Variants in ATG4C observed in about 807,000 individuals in gnomAD.
The protein encoded by ATG4C is autophagy related 4C cysteine peptidase.
Under a neutral mutation model 57.6 loss-of-function variants are expected in ATG4C, and 56 were observed. The ratio of observed to expected loss-of-function variants is 0.97; its 90% confidence interval spans 0.78 to 1.21. The LOEUF is 1.21. ATG4C is among the 50% of genes most tolerant of loss of function. The pLI is 0.00. For missense variants in ATG4C, 595 were observed against 529.8 expected (o/e 1.12, Z -1.21); for synonymous variants, 157 against 174.1 (o/e 0.90, Z 0.78).
intron 8 of ATG4C, 49 bp from the exon 9 acceptor site, chr1:62,834,727 A>G: frequency 6.9e-7 from 1 of 1,455,028 alleles, no homozygotes; most frequent in Non-Finnish European, 9.6e-7. Context: ...TAAGCAGTGT[A>G]ATAATAAGGT....
intron 3 of ATG4C, among the ~76,000 whole-genome samples, chr1:62,812,204 T>C (rs1374847732): frequency 6.6e-6 from 1 of 152,180 alleles, no homozygotes. Context: ...CTGATCAACA[T>C]TGATGCGAAA....
intron 6 of ATG4C, among the ~76,000 whole-genome samples, chr1:62,828,424 C>T (rs552023987): frequency 2.6e-5 from 4 of 151,990 alleles, no homozygotes; most frequent in South Asian, 2.1e-4. Context: ...TTTTTTAATA[C>T]GCTTATTGGC....
chr1:62,854,263 T>G (rs1206293057), intron 10 of ATG4C, among the ~76,000 whole-genome samples: 2 of 151,272 alleles, frequency 1.3e-5, no homozygotes, highest in Non-Finnish European at 2.9e-5. Flanking sequence ...GGTTTTGTTT[T>G]TTCTTTTCTC....
chr1:62,829,364 G>A (rs17123899), intron 7 of ATG4C, among the ~76,000 whole-genome samples, 188 bp downstream of exon 7: 34,460 of 152,000 alleles, frequency 0.23, 5,044 homozygotes, highest in African/African-American at 0.41. Context: ...AGAGCACAGT[G>A]TTCTATAACA....
chr1:62,860,123 C>A (rs945778903), intron 10 of ATG4C, among the ~76,000 whole-genome samples: 5 of 151,842 alleles, frequency 3.3e-5, no homozygotes, highest in Non-Finnish European at 7.4e-5. Context: ...TAGGCCTACC[C>A]AGGGTCAGGA....
intron 1 of ATG4C, among the ~76,000 whole-genome samples, 177 bp from the exon 2 acceptor site, chr1:62,803,542 G>C (rs1557962697): frequency 6.6e-6 from 1 of 152,066 alleles, no homozygotes; most frequent in Non-Finnish European, 1.5e-5. Flanking sequence ...TATTCTATAA[G>C]ATTTCTGTTT....
intron 7 of ATG4C, among the ~76,000 whole-genome samples, chr1:62,831,992 A>T (rs181626798): frequency 4.2e-4 from 64 of 152,288 alleles, no homozygotes; most frequent in African/African-American, 1.4e-3. Context: ...ACAGGTCTCT[A>T]TGATATAAAC....
intron 1 of ATG4C, among the ~76,000 whole-genome samples, chr1:62,786,377 A>G (rs997960381): frequency 6.6e-6 from 1 of 152,198 alleles, no homozygotes; most frequent in Admixed American, 6.5e-5. Context: ...AGAAGCAGAA[A>G]ATATAGTCAA....
chr1:62,850,309 C>A (rs1214338288), intron 10 of ATG4C, among the ~76,000 whole-genome samples: 1 of 152,070 alleles, frequency 6.6e-6, no homozygotes, highest in Admixed American at 6.5e-5. Flanking sequence ...ATCCTCACAT[C>A]TTCCTTGAGA....
intron 10 of ATG4C, among the ~76,000 whole-genome samples, chr1:62,843,163 A>G (rs2100347617): frequency 6.6e-6 from 1 of 152,302 alleles, no homozygotes; most frequent in Non-Finnish European, 1.5e-5. Flanking sequence ...AAAAAAAGCA[A>G]AATTAAAAAA....
chr1:62,828,613 A>G (rs770332246), intron 6 of ATG4C, among the ~76,000 whole-genome samples: 49 of 151,948 alleles, frequency 3.2e-4, no homozygotes, highest in Non-Finnish European at 6.6e-4. Flanking sequence ...TCTGTTTACT[A>G]TTTTGATAGT....
chr1:62,845,781 A>G (rs1018276338), intron 10 of ATG4C, among the ~76,000 whole-genome samples: 2 of 152,030 alleles, frequency 1.3e-5, no homozygotes, highest in East Asian at 1.9e-4. Context: ...GGCTCACTTC[A>G]ACCTCCACCT....
chr1:62,807,744 A>G (rs1664928038), intron 3 of ATG4C, among the ~76,000 whole-genome samples: 1 of 152,192 alleles, frequency 6.6e-6, no homozygotes, highest in East Asian at 1.9e-4. Context: ...GATATCCTTT[A>G]TAATAAATGG....
At chr1:62,840,548 A>G (rs992970810) in intron 9 of ATG4C, among the ~76,000 whole-genome samples, 3 of 152,254 alleles carry the variant, frequency 2.0e-5, no homozygotes, top group African/African-American at 7.2e-5. Context: ...GGACAGGCTA[A>G]GCATTTAAGC....
At chr1:62,833,712 T>G (rs1480939584) in intron 7 of ATG4C, among the ~76,000 whole-genome samples, 1 of 152,124 alleles carries the variant, frequency 6.6e-6, no homozygotes, top group Non-Finnish European at 1.5e-5. Flanking sequence ...ACCAGCTAAC[T>G]GGAAGGCTAA....
chr1:62,796,860 C>A (rs183722727), intron 1 of ATG4C, among the ~76,000 whole-genome samples: 5,602 of 152,268 alleles, frequency 0.037, 371 homozygotes, highest in African/African-American at 0.13. Flanking sequence ...GTAATCCCAG[C>A]ATTTTGGGAG....
intron 1 of ATG4C, among the ~76,000 whole-genome samples, chr1:62,789,849 G>C (rs1557954064): frequency 6.6e-6 from 1 of 151,888 alleles, no homozygotes; most frequent in Non-Finnish European, 1.5e-5. Flanking sequence ...TGAAGATCTG[G>C]GTATTGAATA....
chr1:62,842,905 T>C (rs1666214886), intron 10 of ATG4C, among the ~76,000 whole-genome samples: 1 of 152,196 alleles, frequency 6.6e-6, no homozygotes, highest in South Asian at 2.1e-4. Context: ...TGGAAATTAG[T>C]ATATGCATTT....
rs904615744 is a variant in ATG4C, at chr1:62,826,818, C to T, written c.797-2222C>T. Among the ~76,000 whole-genome samples, 21 of 150,580 alleles carry T rather than the reference C, an allele frequency of 1.4e-4. 1 individual carries two copies. The highest frequency in any genetic ancestry group is 8.6e-4 in the Admixed American group (13 of 15,086). ...CCAAATATTCTCATTGTTCAGTTCC[C>T]ACCTATGAGTGAGAACATGCGGTAT... On this transcript the variant is annotated intron_variant, in intron 6 of 10. Coordinates refer to ENST00000317868, the MANE Select transcript of ATG4C (RefSeq NM_032852.4).
Sources: allele counts gnomAD v4.1 joint callset (sites outside exome capture counted in the v4.1 genomes callset), GRCh38; gene constraint gnomAD v4.1.1; transcripts MANE v1.5; gene names NCBI Gene and HGNC (gene_info 2026-07-23, HGNC 2026-07-21).